RFX3: variants seen among roughly 807,000 people sequenced by gnomAD.
RFX3 encodes the protein transcription factor RFX3.
A neutral mutation model predicts 98.6 loss-of-function variants in RFX3; 14 were observed. The ratio of observed to expected loss-of-function variants is 0.14; its 90% CI spans 0.09 to 0.22. The LOEUF (loss-of-function observed/expected upper bound fraction) is 0.22, where lower values mean the gene tolerates loss of function less well. Ranked by LOEUF, RFX3 falls within the 10% of genes least tolerant of loss-of-function variation. The probability of loss-of-function intolerance (pLI) is 1.00; values close to 1 mark genes in which losing one functional copy is unlikely to be tolerated. For missense variants in RFX3, 639 were observed against 926.9 expected (o/e 0.69, Z 4.03); for synonymous variants, 383 against 328.4 (o/e 1.17, Z -1.80).
At chr9:3,412,090 G>A (rs1314630604) in intron 1 of RFX3, among the ~76,000 whole-genome samples, 1 of 152,160 alleles carries the variant, frequency 6.6e-6, no homozygotes, top group East Asian at 1.9e-4. Flanking sequence ...AATATTCAGT[G>A]TCTCAAAACA....
intron 14 of RFX3, among the ~76,000 whole-genome samples, chr9:3,252,178 T>C (rs1456073816): frequency 6.6e-6 from 1 of 152,234 alleles, no homozygotes; most frequent in Non-Finnish European, 1.5e-5. Flanking sequence ...GTTTCTGATA[T>C]CATTTTAGAA....
intron 5 of RFX3, among the ~76,000 whole-genome samples, chr9:3,300,236 A>C (rs1184955601): frequency 1.3e-5 from 2 of 151,804 alleles, no homozygotes; most frequent in Non-Finnish European, 2.9e-5. Context: ...TCAGAAATGA[A>C]AAAACTTATA....
At chr9:3,499,900 C>A (rs369495340) in intron 1 of RFX3, among the ~76,000 whole-genome samples, 8 of 152,134 alleles carry the variant, frequency 5.3e-5, no homozygotes, top group African/African-American at 1.9e-4. Context: ...ATTCTTGGAA[C>A]CATTTAGCCC....
intron 4 of RFX3, among the ~76,000 whole-genome samples, chr9:3,328,134 G>A (rs537959753): frequency 2.1e-4 from 32 of 152,142 alleles, no homozygotes; most frequent in Middle Eastern, 3.4e-3. Context: ...GATAAGACAG[G>A]GTGGATGAAA....
At chr9:3,433,405 C>T (rs10814082) in intron 1 of RFX3, among the ~76,000 whole-genome samples, 35,708 of 152,068 alleles carry the variant, frequency 0.23, 7,198 homozygotes, top group African/African-American at 0.55. Context: ...TTCTTCCTTA[C>T]GATTTTCTTG....
At chr9:3,259,317 G>C (rs772766358) in intron 13 of RFX3, among the ~76,000 whole-genome samples, 8 of 151,958 alleles carry the variant, frequency 5.3e-5, no homozygotes, top group South Asian at 2.1e-4. Flanking sequence ...ACCTAACTTA[G>C]AGAAATAAAA....
chr9:3,404,451 C>G (rs1433471029), intron 1 of RFX3, among the ~76,000 whole-genome samples: 1 of 152,096 alleles, frequency 6.6e-6, no homozygotes, highest in African/African-American at 2.4e-5. Context: ...GAATTACAAA[C>G]AGTTCCACTG....
chr9:3,295,473 A>G (rs925399622), intron 5 of RFX3, among the ~76,000 whole-genome samples: 2 of 152,054 alleles, frequency 1.3e-5, no homozygotes, highest in African/African-American at 2.4e-5. Flanking sequence ...AAAGAAGGGC[A>G]TATAGGTTCT....
intron 2 of RFX3, among the ~76,000 whole-genome samples, chr9:3,348,816 C>T (rs2991323): frequency 0.24 from 36,153 of 151,896 alleles, 6,422 homozygotes; most frequent in African/African-American, 0.5. Flanking sequence ...CCAATGGTAG[C>T]CTCTTCTAAC....
At chr9:3,317,106 T>A (rs930493132) in intron 4 of RFX3, among the ~76,000 whole-genome samples, 1 of 152,172 alleles carries the variant, frequency 6.6e-6, no homozygotes, top group Non-Finnish European at 1.5e-5. Flanking sequence ...TCATGCTACC[T>A]GACTTCAAAC....
At chr9:3,326,533 T>G (rs1193862042) in intron 4 of RFX3, among the ~76,000 whole-genome samples, 1 of 152,170 alleles carries the variant, frequency 6.6e-6, no homozygotes, top group Non-Finnish European at 1.5e-5. Flanking sequence ...CCCCTCTATG[T>G]GTCCATGTAT....
chr9:3,275,642 G>T, intron 8 of RFX3, 30 bp from the exon 9 acceptor site: 1 of 1,401,018 alleles, frequency 7.1e-7, no homozygotes, highest in Non-Finnish European at 1.0e-6. Flanking sequence ...ACAGAAAAAA[G>T]CTATTGTGGA....
intron 1 of RFX3, among the ~76,000 whole-genome samples, chr9:3,465,972 C>A (rs184325137): frequency 9.9e-5 from 15 of 151,986 alleles, no homozygotes; most frequent in Admixed American, 6.5e-4. Context: ...TTTCAGTGGT[C>A]AGAGTAGAGA....
In RFX3 at chr9:3,293,273, CA is replaced by C; in HGVS notation, c.550-16del. Reference sequence around the variant, plus strand: ...AGCCACTGGAGCTAGGGAAATAAGACACAATAAACACAGACAAATCACATAA... The same window carrying C: ...AGCCACTGGAGCTAGGGAAATAAGACCAATAAACACAGACAAATCACATAA... On this transcript the variant is annotated splice_polypyrimidine_tract_variant and intron_variant, in intron 5 of 16. Coordinates refer to ENST00000617270, the MANE Select transcript of RFX3 (RefSeq NM_001282116.2). The C allele has an allele frequency of 6.4e-7, 1 of 1,559,750 alleles. No individual in the cohort carries two copies. The highest frequency in any genetic ancestry group is 8.7e-7 in the Non-Finnish European group (1 of 1,155,578).
chr9:3,518,211 T>C (rs924101651), intron 1 of RFX3, among the ~76,000 whole-genome samples: 2 of 152,228 alleles, frequency 1.3e-5, no homozygotes, highest in Non-Finnish European at 2.9e-5. Context: ...CCTAACTACG[T>C]AATTCTCAGA....
intron 4 of RFX3, among the ~76,000 whole-genome samples, chr9:3,324,506 G>A (rs894985819): frequency 6.7e-6 from 1 of 149,242 alleles, no homozygotes; most frequent in Non-Finnish European, 1.5e-5. Flanking sequence ...TTCTTCGTGT[G>A]CTAATATGAA....
chr9:3,400,597 C>A (rs1256734685), intron 1 of RFX3, among the ~76,000 whole-genome samples: 1 of 152,190 alleles, frequency 6.6e-6, no homozygotes, highest in African/African-American at 2.4e-5. Context: ...TTCATAGACA[C>A]AATTTCATTT....
At position 3,222,874 on chromosome 9, in the gene RFX3, G is replaced by A. The variant is rs1179358843; in HGVS notation, c.*2168C>T. 1.3e-5 allele frequency: 2 copies of A among 152,114 alleles called. No individual in the cohort carries two copies. The highest frequency in any genetic ancestry group is 4.8e-5 in the African/African-American group (2 of 41,436). The allele number at this position is 152,114 out of a possible 1,614,324, so 9.4% of individuals were successfully genotyped here. ...AGACTTTCAAATATATGAGTGAGTT[G>A]TATAATAAAAAATTTGGATCAGTTT... On this transcript the variant is annotated 3_prime_UTR_variant, in exon 17 of 17. Transcript: ENST00000617270.
At chr9:3,374,890 TA>T (rs1354430945) in intron 2 of RFX3, among the ~76,000 whole-genome samples, 1 of 150,794 alleles carries the variant, frequency 6.6e-6, no homozygotes, top group Non-Finnish European at 1.5e-5. Flanking sequence ...CTGGAGTAGA[TA>T]ACATTTAAGA....
Sources: gnomAD v4.1 joint callset for allele counts (sites outside exome capture counted in the v4.1 genomes callset) on GRCh38, gnomAD v4.1.1 for gene constraint, MANE v1.5 for transcripts, NCBI Gene and HGNC (gene_info 2026-07-23, HGNC 2026-07-21) for gene names.